ANO6: variants seen among roughly 807,000 people sequenced by gnomAD.
ANO6 encodes the protein anoctamin-6.
A neutral mutation model predicts 117.5 loss-of-function variants in ANO6; 106 were observed. The ratio of observed to expected loss-of-function variants is 0.90; its 90% CI spans 0.77 to 1.06. The LOEUF (loss-of-function observed/expected upper bound fraction) is 1.06. Among genes scored for constraint, ANO6 ranks in the 50% least tolerant of loss-of-function variants. The pLI, the probability that ANO6 is intolerant of heterozygous loss-of-function variation, is 0.00. For missense variants in ANO6, 955 were observed against 1,121.1 expected, an observed-to-expected ratio of 0.85 and a Z score of 2.12; for synonymous variants, 367 against 385.1, an observed-to-expected ratio of 0.95 and a Z score of 0.55.
intron 1 of ANO6, among the ~76,000 whole-genome samples, chr12:45,264,822 C>T (rs1236006940): frequency 6.6e-6 from 1 of 152,090 alleles, no homozygotes. Flanking sequence ...AAATATAAGA[C>T]CTTGGGTCCC....
At chr12:45,376,411 A>G (rs1288752502) in intron 9 of ANO6, among the ~76,000 whole-genome samples, 3 of 135,572 alleles carry the variant, frequency 2.2e-5, no homozygotes, top group Non-Finnish European at 4.6e-5. Context: ...ACGTATGTTT[A>G]TTGCGGCATT....
chr12:45,299,158 C>T (rs1367777731), intron 1 of ANO6, among the ~76,000 whole-genome samples: 1 of 152,188 alleles, frequency 6.6e-6, no homozygotes, highest in Non-Finnish European at 1.5e-5. Flanking sequence ...TAACTTAGAA[C>T]ACACTTATCA....
At chr12:45,362,998 T>C (rs1298998497) in intron 8 of ANO6, among the ~76,000 whole-genome samples, 1 of 152,226 alleles carries the variant, frequency 6.6e-6, no homozygotes, top group African/African-American at 2.4e-5. Context: ...CTGCTTTTTT[T>C]TTCTGTAGGT....
At chr12:45,313,835 A>T (rs149844045) in intron 2 of ANO6, among the ~76,000 whole-genome samples, 24 of 152,266 alleles carry the variant, frequency 1.6e-4, no homozygotes, top group African/African-American at 5.8e-4. Context: ...AACTAGAAAT[A>T]GGCTATTTAA....
At chr12:45,270,837 T>C (rs899800392) in intron 1 of ANO6, among the ~76,000 whole-genome samples, 1 of 152,088 alleles carries the variant, frequency 6.6e-6, no homozygotes, top group Non-Finnish European at 1.5e-5. Flanking sequence ...CTGCAACCTC[T>C]GCTTCCCAAG....
downstream of ANO6, among the ~76,000 whole-genome samples, chr12:45,432,683 T>A (rs574219403): frequency 6.6e-6 from 1 of 152,178 alleles, no homozygotes; most frequent in African/African-American, 2.4e-5. Flanking sequence ...ATAGCACTTA[T>A]AAATGTAGCA....
chr12:45,428,224 C>A (rs1943552091), intron 19 of ANO6, among the ~76,000 whole-genome samples: 1 of 152,136 alleles, frequency 6.6e-6, no homozygotes, highest in Non-Finnish European at 1.5e-5. Context: ...CATAGGGGAA[C>A]AAATAAATTA....
Position 45,381,466 on chromosome 12 carries a change from C to T in ANO6, c.1165+3353C>T, listed in dbSNP as rs189159371. On this transcript the variant is annotated intron_variant, in intron 10 of 19. Coordinates refer to ENST00000320560, the MANE Select transcript of ANO6 (RefSeq NM_001025356.3). ...ATTTCTGTCTGTGATCATGCACGGTCACCCCAGGGCTTGGTGCCCTCAATC... is the reference window on the plus strand; with the variant it reads ...ATTTCTGTCTGTGATCATGCACGGTTACCCCAGGGCTTGGTGCCCTCAATC... 5.0e-4 allele frequency among the ~76,000 whole-genome samples: 76 copies of T among 152,284 alleles called. No homozygotes were observed. In the East Asian group the frequency reaches 9.8e-3, roughly 20 times the overall value.
Position 45,273,310 on chromosome 12 carries a change from A to C in ANO6, c.71-28704A>C, listed in dbSNP as rs544051654. 3.9e-5 allele frequency among the ~76,000 whole-genome samples: 6 copies of C among 152,328 alleles called. No individual in the cohort carries two copies. In the South Asian group the frequency reaches 1.2e-3, roughly 32 times the overall value. On this transcript the variant is annotated intron_variant, in intron 1 of 19. Coordinates refer to ENST00000320560, the MANE Select transcript of ANO6 (RefSeq NM_001025356.3). Reference sequence around the variant, plus strand: ...CACATTGTACACCTTGAATATATTCAATCTTTGTCAATTAAATATTTTAAA... The same window carrying C: ...CACATTGTACACCTTGAATATATTCCATCTTTGTCAATTAAATATTTTAAA...
chr12:45,257,728 C>T (rs183970113), intron 1 of ANO6, among the ~76,000 whole-genome samples: 5 of 152,296 alleles, frequency 3.3e-5, no homozygotes, highest in South Asian at 4.2e-4. Context: ...CTTCCAATCT[C>T]GTCTCCTCAA....
intron 2 of ANO6, among the ~76,000 whole-genome samples, chr12:45,314,488 CACACATATAT>C (rs1247054001): frequency 1.3e-5 from 2 of 149,656 alleles, no homozygotes; most frequent in Non-Finnish European, 3.0e-5. Flanking sequence ...CACACACACA[CACACATATAT>C]ACATATATAC....
At chr12:45,339,350 A>G (rs7958429) in intron 3 of ANO6, among the ~76,000 whole-genome samples, 67,905 of 151,852 alleles carry the variant, frequency 0.45, 15,470 homozygotes, top group South Asian at 0.64. Context: ...TAAGCAGATA[A>G]GTTTGGAAAA....
chr12:45,300,764 A>G (rs73281454), intron 1 of ANO6, among the ~76,000 whole-genome samples: 2,430 of 152,366 alleles, frequency 0.016, 55 homozygotes, highest in African/African-American at 0.054. Flanking sequence ...ACATTTATTC[A>G]GAACATTTTC....
chr12:45,439,647 C>CTTTT (rs34144696), intron 19 of ANO6: 95 of 1,133,066 alleles, frequency 8.4e-5, no homozygotes, highest in African/African-American at 1.3e-4. Flanking sequence ...GATTTAATTG[C>CTTTT]TTTTTTTTTT....
downstream of ANO6, among the ~76,000 whole-genome samples, chr12:45,433,718 G>A (rs553806923): frequency 6.6e-6 from 1 of 152,294 alleles, no homozygotes; most frequent in South Asian, 2.1e-4. Context: ...GATTCAAGGA[G>A]TTTGATAGCA....
At position 45,431,500 on chromosome 12, in the gene ANO6, T is replaced by C. The variant is rs1245315171; in HGVS notation, c.*2189T>C. ...CATAGCCCCAGCAGAGAAAATCCTC[T>C]TCATAGATTAAATGTGCTGCTGTGG... On this transcript the variant is annotated 3_prime_UTR_variant, in exon 20 of 20. Coordinates refer to ENST00000320560, the MANE Select transcript of ANO6 (RefSeq NM_001025356.3). 1 of 985,268 alleles carries C rather than the reference T, an allele frequency of 1.0e-6. No homozygotes were observed. The highest frequency in any genetic ancestry group is 1.1e-4 in the East Asian group (1 of 8,818). 61.0% of individuals were successfully genotyped at this position (985,268 alleles called of 1,614,324 possible). A position where few individuals can be genotyped will look rare whatever the true frequency, so the allele number is the denominator to read the frequency against.
intron 1 of ANO6, among the ~76,000 whole-genome samples, chr12:45,238,818 G>T (rs577432204): frequency 1.3e-5 from 2 of 152,266 alleles, no homozygotes; most frequent in Non-Finnish European, 2.9e-5. Context: ...TTTGTCATTG[G>T]TTCTGTTTAT....
At chr12:45,422,108 T>A (rs1472684350) in intron 18 of ANO6, among the ~76,000 whole-genome samples, 1 of 152,146 alleles carries the variant, frequency 6.6e-6, no homozygotes, top group African/African-American at 2.4e-5. Flanking sequence ...TTTCCACAAT[T>A]CTAATCAGAA....
At chr12:45,326,068 T>C (rs1940449816) in intron 2 of ANO6, among the ~76,000 whole-genome samples, 1 of 152,174 alleles carries the variant, frequency 6.6e-6, no homozygotes, top group South Asian at 2.1e-4. Flanking sequence ...TAGAGGGAAA[T>C]ATTTAATACT....
Sources: gnomAD v4.1 joint callset for allele counts (sites outside exome capture counted in the v4.1 genomes callset) on GRCh38, gnomAD v4.1.1 for gene constraint, MANE v1.5 for transcripts, NCBI Gene and HGNC (gene_info 2026-07-23, HGNC 2026-07-21) for gene names.